TPD52L1: variants seen among roughly 807,000 people sequenced by gnomAD.
The protein encoded by TPD52L1 is TPD52 like 1.
In TPD52L1, 18 loss-of-function variants were observed where a neutral mutation model predicts 28.7. That is an observed-to-expected ratio of 0.63 (90% CI 0.43 to 0.93). The LOEUF (loss-of-function observed/expected upper bound fraction) is 0.93. Among genes scored for constraint, TPD52L1 ranks in the 40% least tolerant of loss-of-function variants. TPD52L1 has a pLI of 0.00. For synonymous variants in TPD52L1, 75 were observed against 88.8 expected (o/e 0.84, Z 0.88); for missense variants, 203 against 254.8 (o/e 0.80, Z 1.39).
In TPD52L1 at chr6:125,263,936, G is replaced by A. The variant is rs575076068; in HGVS notation, c.*974G>A. 1.3e-5 allele frequency: 2 copies of A among 152,112 alleles called. No individual in the cohort carries two copies. 9.4% of individuals were successfully genotyped at this position (152,112 alleles called of 1,614,324 possible). On this transcript the variant is annotated 3_prime_UTR_variant, in exon 7 of 7. Coordinates refer to ENST00000534000, the MANE Select transcript of TPD52L1 (RefSeq NM_003287.4). ...GGATATGAAAATAAATATTACCTCA[G>A]CTATCCTAGGATGTTAAAATAATCT...
At chr6:125,158,426 A>G (rs1790286375) in intron 1 of TPD52L1, among the ~76,000 whole-genome samples, 2 of 152,156 alleles carry the variant, frequency 1.3e-5, no homozygotes, top group Non-Finnish European at 2.9e-5. Flanking sequence ...TATACTTTAC[A>G]TTATACTTTA....
chr6:125,167,572 A>G (rs1790993446), intron 1 of TPD52L1, among the ~76,000 whole-genome samples: 2 of 152,252 alleles, frequency 1.3e-5, no homozygotes, highest in South Asian at 4.1e-4. Context: ...AAGAATACAC[A>G]TTCAGAACGT....
At chr6:125,188,092 C>G (rs971471213) in intron 1 of TPD52L1, among the ~76,000 whole-genome samples, 1 of 152,086 alleles carries the variant, frequency 6.6e-6, no homozygotes, top group Non-Finnish European at 1.5e-5. Flanking sequence ...TGGGAGTATC[C>G]CATAGTTAGC....
chr6:125,159,736 C>A (rs1189385208), intron 1 of TPD52L1, among the ~76,000 whole-genome samples: 1 of 151,784 alleles, frequency 6.6e-6, no homozygotes, highest in Non-Finnish European at 1.5e-5. Context: ...CAAAATTACT[C>A]CCTGATCCAC....
rs757301162 is a variant in TPD52L1 at position 125,229,286 on chromosome 6, T to A, written c.284+20T>A. On this transcript the variant is annotated intron_variant, in intron 3 of 6. Coordinates refer to ENST00000534000, the MANE Select transcript of TPD52L1 (RefSeq NM_003287.4). ...CACTGCGTAAGTATCATATGAACAG[T>A]GTTTTATTAACTCAGCCTGATGTCT... 4 of 1,590,604 alleles carry A rather than the reference T, an allele frequency of 2.5e-6. No individual in the cohort carries two copies. The South Asian group carries it at 4.6e-5, about 18-fold the overall frequency.
At chr6:125,227,340 G>A (rs562480540) in intron 2 of TPD52L1, among the ~76,000 whole-genome samples, 1 of 152,258 alleles carries the variant, frequency 6.6e-6, no homozygotes, top group Admixed American at 6.5e-5. Context: ...AAGACTGGGG[G>A]GTTTTATTGC....
rs1795136407 is a variant in TPD52L1 at position 125,220,082 on chromosome 6, G to C, written c.24G>C (p.Leu8Phe). ...TTTTATCAATTCTGCCTAAAGGTTTGTTGGAGACTGAACCGTTGCAAGGAA... is the reference window on the plus strand; with the variant it reads ...TTTTATCAATTCTGCCTAAAGGTTTCTTGGAGACTGAACCGTTGCAAGGAA... MEAQAQGLLETEPLQGTD... is the reference protein window; with the variant it reads MEAQAQGFLETEPLQGTD... The change falls in exon 2 of 7, where the codon TTG becomes TTC. Residue 8 changes from leucine to phenylalanine, a missense_variant. By Grantham distance (22) the Leu-to-Phe change is conservative. Transcript: ENST00000534000. 1.4e-5 allele frequency: 22 copies of C among 1,612,254 alleles called. No homozygotes were observed. In the East Asian group the frequency reaches 4.9e-4, roughly 36 times the overall value.
At chr6:125,189,748 T>G (rs372181606) in intron 1 of TPD52L1, among the ~76,000 whole-genome samples, 9 of 152,324 alleles carry the variant, frequency 5.9e-5, no homozygotes, top group African/African-American at 2.2e-4. Context: ...TATTTCCTTT[T>G]CACTCTGAAG....
chr6:125,172,478 G>GTGT (rs1302766578), intron 1 of TPD52L1, among the ~76,000 whole-genome samples: 2 of 73,274 alleles, frequency 2.7e-5, no homozygotes, highest in Non-Finnish European at 5.0e-5. Flanking sequence ...GTGTGTGTGT[G>GTGT]TTTTTTTTTT....
chr6:125,235,452 T>C (rs1293878488), intron 3 of TPD52L1, among the ~76,000 whole-genome samples: 1 of 152,028 alleles, frequency 6.6e-6, no homozygotes, highest in Non-Finnish European at 1.5e-5. Context: ...TCATAATGAT[T>C]TAAGGAAGTT....
At chr6:125,223,397 A>G (rs886612276) in intron 2 of TPD52L1, among the ~76,000 whole-genome samples, 6 of 152,158 alleles carry the variant, frequency 3.9e-5, no homozygotes, top group Admixed American at 2.0e-4. Flanking sequence ...CATCTTGGAC[A>G]AATTCAGCAT....
At position 125,229,112 on chromosome 6, in the gene TPD52L1, T is replaced by C; in HGVS notation, c.136-6T>C. ...TTTCCCCCACCATTTCCCCTCCGCC[T>C]TGTAGCTAGAAGACGAAATTACAAC... On this transcript the variant is annotated splice_polypyrimidine_tract_variant and splice_region_variant and intron_variant, in intron 2 of 6. Transcript: ENST00000534000. 1.2e-6 allele frequency: 2 copies of C among 1,611,350 alleles called. No individual in the cohort carries two copies. Among genetic ancestry groups the C allele is most frequent in the Non-Finnish European group, 1.7e-6 (2 of 1,178,998 alleles).
At chr6:125,254,687 T>C (rs1797488086) in intron 5 of TPD52L1, among the ~76,000 whole-genome samples, 3 of 152,212 alleles carry the variant, frequency 2.0e-5, no homozygotes, top group African/African-American at 7.2e-5. Context: ...CGAAGCCAAA[T>C]TCTTCATATA....
At chr6:125,242,419 A>G (rs1796670017) in intron 3 of TPD52L1, among the ~76,000 whole-genome samples, 1 of 150,654 alleles carries the variant, frequency 6.6e-6, no homozygotes, top group Non-Finnish European at 1.5e-5. Flanking sequence ...TTGCATTGCC[A>G]TCTATCTCAT....
chr6:125,246,274 C>T (rs999606136), intron 3 of TPD52L1, among the ~76,000 whole-genome samples: 1 of 152,164 alleles, frequency 6.6e-6, no homozygotes, highest in Non-Finnish European at 1.5e-5. Context: ...GGTTCAGAGG[C>T]AGGTTTTCTC....
At chr6:125,202,692 A>G (rs1395046610) in intron 1 of TPD52L1, among the ~76,000 whole-genome samples, 1 of 152,044 alleles carries the variant, frequency 6.6e-6, no homozygotes, top group Non-Finnish European at 1.5e-5. Flanking sequence ...TTATAATATA[A>G]TAAGTGAGAC....
intron 3 of TPD52L1, among the ~76,000 whole-genome samples, chr6:125,244,340 G>A (rs1796795897): frequency 6.6e-6 from 1 of 152,186 alleles, no homozygotes; most frequent in African/African-American, 2.4e-5. Flanking sequence ...GTGGGTAGAT[G>A]TAATACCCAA....
chr6:125,172,548 A>ATG lies in TPD52L1; in HGVS notation c.19+18579_19+18580insGT, dbSNP rs1791539575. ...TATATATATATATATATATATATAT[A>ATG]TATAATATATATACTATATGGCATG... On this transcript the variant is annotated intron_variant, in intron 1 of 6. Transcript: ENST00000534000. Among the ~76,000 whole-genome samples the ATG allele has an allele frequency of 4.0e-5, 4 of 100,766 alleles. No homozygotes were observed. The South Asian group carries it at 1.2e-3, about 31-fold the overall frequency. The allele number at this position is 100,766 out of a possible 152,430, so 66.1% of individuals were successfully genotyped here. A position where few individuals can be genotyped will look rare whatever the true frequency, so the allele number is the denominator to read the frequency against.
At chr6:125,177,093 T>C (rs995522440) in intron 1 of TPD52L1, among the ~76,000 whole-genome samples, 1 of 152,206 alleles carries the variant, frequency 6.6e-6, no homozygotes, top group African/African-American at 2.4e-5. Context: ...TCTTAATGGA[T>C]ACAGTAACGG....
Sources: gnomAD v4.1 joint callset for allele counts (sites outside exome capture counted in the v4.1 genomes callset) on GRCh38, gnomAD v4.1.1 for gene constraint, MANE v1.5 for transcripts, NCBI Gene and HGNC (gene_info 2026-07-23, HGNC 2026-07-21) for gene names.